GPHN: variants seen among roughly 807,000 people sequenced by gnomAD.
GPHN encodes gephyrin.
Under a neutral mutation model 95.5 loss-of-function variants are expected in GPHN, and 17 were observed. The observed-to-expected ratio is 0.18, with a 90% CI of 0.12 to 0.27. The LOEUF is 0.27. Ranked by LOEUF, GPHN falls within the 10% of genes least tolerant of loss-of-function variation. GPHN has a pLI of 1.00. For missense variants in GPHN, 660 were observed against 978.1 expected, an observed-to-expected ratio of 0.67 and a Z score of 4.34; for synonymous variants, 320 against 322.5, an observed-to-expected ratio of 0.99 and a Z score of 0.08.
intron 5 of GPHN, among the ~76,000 whole-genome samples, chr14:66,887,946 T>C (rs2064284422): frequency 6.6e-6 from 1 of 152,064 alleles, no homozygotes; most frequent in Non-Finnish European, 1.5e-5. Context: ...AAAAACACTA[T>C]AACAGACATA....
chr14:66,529,300 T>C (rs1010109734), intron 1 of GPHN, among the ~76,000 whole-genome samples: 5 of 152,064 alleles, frequency 3.3e-5, no homozygotes, highest in African/African-American at 4.8e-5. Flanking sequence ...TTGTGCTGTG[T>C]TTTTCTGCTC....
At chr14:67,348,363 C>A in the GPHN span, among the ~76,000 whole-genome samples, 41 of 152,018 alleles carry the variant, frequency 2.7e-4, 1 homozygote. Context: ...AGCCATCACA[C>A]CCGGCCTAAT....
chr14:67,300,918 CT>C, the GPHN span, among the ~76,000 whole-genome samples: 1 of 152,086 alleles, frequency 6.6e-6, no homozygotes, highest in South Asian at 2.1e-4. Context: ...TCTCAAACTC[CT>C]GGGCTTAAGC....
the GPHN span, among the ~76,000 whole-genome samples, chr14:67,325,129 TCTC>T: frequency 6.6e-6 from 1 of 151,916 alleles, no homozygotes; most frequent in African/African-American, 2.4e-5. Context: ...ATGGTCTTGA[TCTC>T]CTGACCTTGT....
the GPHN span, among the ~76,000 whole-genome samples, chr14:67,462,536 G>A: frequency 6.6e-6 from 1 of 152,050 alleles, no homozygotes; most frequent in Non-Finnish European, 1.5e-5. Flanking sequence ...CAGAGATAGG[G>A]TCTTGCTATG....
chr14:66,698,628 A>C (rs1033708747), intron 2 of GPHN, among the ~76,000 whole-genome samples: 2 of 152,234 alleles, frequency 1.3e-5, no homozygotes, highest in African/African-American at 4.8e-5. Context: ...AGTCTTACTC[A>C]TTCACCTATG....
chr14:66,668,280 G>A (rs2066087610), intron 1 of GPHN, among the ~76,000 whole-genome samples: 1 of 152,276 alleles, frequency 6.6e-6, no homozygotes, highest in African/African-American at 2.4e-5. Flanking sequence ...TCCCATTACT[G>A]GGTATATACC....
the GPHN span, chr14:67,384,382 CAT>C: frequency 7.0e-6 from 1 of 143,774 alleles, no homozygotes; most frequent in Non-Finnish European, 1.5e-5. Context: ...TTTTTTTTTA[CAT>C]GTTTCCATCA....
intron 1 of GPHN, among the ~76,000 whole-genome samples, chr14:66,654,247 T>C (rs543155304): frequency 1.0e-3 from 155 of 152,182 alleles, no homozygotes; most frequent in African/African-American, 3.5e-3. Flanking sequence ...GGATTACAGA[T>C]GTGCGCCACC....
chr14:67,527,651 A>G, the GPHN span, among the ~76,000 whole-genome samples: 16 of 152,168 alleles, frequency 1.1e-4, 1 homozygote, highest in Admixed American at 9.8e-4. Flanking sequence ...ATAAACCAAC[A>G]ATGTGTTTTG....
chr14:66,860,982 A>G (rs2062999708), intron 4 of GPHN, among the ~76,000 whole-genome samples: 1 of 152,070 alleles, frequency 6.6e-6, no homozygotes, highest in East Asian at 1.9e-4. Flanking sequence ...GGAAGAGAAG[A>G]CCACAAAACA....
chr14:67,342,557 CTTTT>C, the GPHN span, among the ~76,000 whole-genome samples: 1 of 136,988 alleles, frequency 7.3e-6, no homozygotes, highest in Non-Finnish European at 1.6e-5. Context: ...ACGAATTATC[CTTTT>C]TTTTTTTTTT....
chr14:67,608,452 G>A, the GPHN span, among the ~76,000 whole-genome samples: 7 of 152,138 alleles, frequency 4.6e-5, no homozygotes, highest in East Asian at 7.7e-4. Flanking sequence ...GAACTTAAGC[G>A]TCTGTAGATT....
intron 2 of GPHN, among the ~76,000 whole-genome samples, chr14:66,746,374 A>G (rs2058151191): frequency 6.6e-6 from 1 of 152,094 alleles, no homozygotes; most frequent in Admixed American, 6.6e-5. Context: ...CCTGTGGAAA[A>G]TATTGATATT....
intron 1 of GPHN, among the ~76,000 whole-genome samples, chr14:66,618,914 T>C (rs2063166652): frequency 6.6e-6 from 1 of 152,238 alleles, no homozygotes; most frequent in Non-Finnish European, 1.5e-5. Context: ...GGGTAATCTT[T>C]CCCTTTTGTT....
chr14:66,652,753 T>G (rs1351699629), intron 1 of GPHN, among the ~76,000 whole-genome samples: 1 of 152,104 alleles, frequency 6.6e-6, no homozygotes, highest in African/African-American at 2.4e-5. Context: ...TTGTGAGCGG[T>G]TGGCAGAGAG....
chr14:67,359,064 C>G, the GPHN span, among the ~76,000 whole-genome samples: 188 of 152,282 alleles, frequency 1.2e-3, 10 homozygotes, highest in South Asian at 0.038. Context: ...GGTGAGAGAG[C>G]AAAAGCAGTG....
the GPHN span, chr14:67,198,232 A>G: frequency 1.9e-6 from 3 of 1,613,952 alleles, no homozygotes; most frequent in Non-Finnish European, 2.5e-6. Flanking sequence ...CCACACTCCC[A>G]TGATCCGAGA....
chr14:66,962,021 G>A (rs1453559681), intron 8 of GPHN, among the ~76,000 whole-genome samples: 5 of 143,366 alleles, frequency 3.5e-5, no homozygotes, highest in African/African-American at 7.6e-5. Flanking sequence ...TTTTCATAAT[G>A]TCCTCAAAAT....
Sources: allele counts gnomAD v4.1 joint callset (sites outside exome capture counted in the v4.1 genomes callset), GRCh38; gene constraint gnomAD v4.1.1; transcripts MANE v1.5; gene names NCBI Gene and HGNC (gene_info 2026-07-23, HGNC 2026-07-21).